DCAF5: variants seen among roughly 807,000 people sequenced by gnomAD.
DCAF5 encodes DDB1 and CUL4 associated factor 5, also known as DDB1- and CUL4-associated factor 5.
Under a neutral mutation model 80.7 loss-of-function variants are expected in DCAF5, and 9 were observed. The observed-to-expected ratio is 0.11, with a 90% CI of 0.07 to 0.19. DCAF5 has a LOEUF of 0.19. DCAF5 is among the 10% of genes least tolerant of loss of function. The pLI is 1.00. For synonymous variants in DCAF5, 433 were observed against 461.9 expected (o/e 0.94, Z 0.80); for missense variants, 842 against 1,205.7 (o/e 0.70, Z 4.47).
Position 69,119,235 on chromosome 14 carries a change from A to G in DCAF5, c.359-5T>C. On this transcript the variant is annotated splice_region_variant and splice_polypyrimidine_tract_variant and intron_variant, in intron 2 of 8. Coordinates refer to ENST00000341516, the MANE Select transcript of DCAF5 (RefSeq NM_003861.3). ...GGATAACTTGCTCATCATTGCCTGC[A>G]AAAGAAAAAAGCAGACATCTGATCA... is the stretch of plus-strand genomic sequence containing the variant. 7 of 1,613,396 alleles carry G rather than the reference A, an allele frequency of 4.3e-6. No homozygotes were observed. Among genetic ancestry groups the G allele is most frequent in the Non-Finnish European group, 5.1e-6 (6 of 1,179,744 alleles).
intron 7 of DCAF5, among the ~76,000 whole-genome samples, chr14:69,072,267 C>CA (rs2038721854): frequency 6.6e-6 from 1 of 151,746 alleles, no homozygotes; most frequent in Non-Finnish European, 1.5e-5. Flanking sequence ...ATGTTATAGG[C>CA]AAAGGTAGAG....
At chr14:69,067,679 C>T (rs556216241) in intron 7 of DCAF5, among the ~76,000 whole-genome samples, 37 of 151,474 alleles carry the variant, frequency 2.4e-4, no homozygotes, top group African/African-American at 9.0e-4. Context: ...GGAGTCTCAC[C>T]AGGCTGGAGT....
chr14:69,071,431 C>A (rs1218192709), intron 7 of DCAF5, among the ~76,000 whole-genome samples: 3 of 152,192 alleles, frequency 2.0e-5, no homozygotes, highest in Non-Finnish European at 4.4e-5. Context: ...ACTCGGCACG[C>A]ACATGAAACA....
chr14:69,148,477 A>G (rs2041611401), intron 1 of DCAF5, among the ~76,000 whole-genome samples: 1 of 152,136 alleles, frequency 6.6e-6, no homozygotes, highest in Non-Finnish European at 1.5e-5. Context: ...TGGGCAAATC[A>G]TGAGGTCAGG....
At chr14:69,099,787 A>AC (rs35191369) in intron 5 of DCAF5, among the ~76,000 whole-genome samples, 107,925 of 151,898 alleles carry the variant, frequency 0.71, 38,593 homozygotes, top group East Asian at 0.97. Flanking sequence ...TACAAAAAAA[A>AC]AATACAAAAA....
intron 2 of DCAF5, among the ~76,000 whole-genome samples, chr14:69,120,971 CAAAT>C (rs934198962): frequency 4.6e-5 from 7 of 152,150 alleles, no homozygotes; most frequent in South Asian, 2.1e-4. Context: ...AAGAGAAACT[CAAAT>C]AACTCAAAAC....
intron 1 of DCAF5, among the ~76,000 whole-genome samples, chr14:69,150,658 G>A (rs1226136845): frequency 6.6e-6 from 1 of 151,882 alleles, no homozygotes; most frequent in East Asian, 1.9e-4. Context: ...GGGTGAGGCA[G>A]GAGGATTACT....
At chr14:69,058,174 A>T (rs1011362302) in intron 8 of DCAF5, among the ~76,000 whole-genome samples, 1 of 152,178 alleles carries the variant, frequency 6.6e-6, no homozygotes. Context: ...TTTACACTGG[A>T]AAGTTAACAA....
chr14:69,066,279 C>T (rs1337943347), intron 7 of DCAF5, among the ~76,000 whole-genome samples: 3 of 151,966 alleles, frequency 2.0e-5, no homozygotes, highest in Non-Finnish European at 4.4e-5. Flanking sequence ...GGATTACAGG[C>T]GCACACCACC....
intron 1 of DCAF5, among the ~76,000 whole-genome samples, chr14:69,130,912 C>T (rs1003769906): frequency 6.6e-6 from 1 of 152,150 alleles, no homozygotes; most frequent in African/African-American, 2.4e-5. Flanking sequence ...CTCCTCTACC[C>T]TAATTTTTTT....
chr14:69,122,162 T>C (rs977735419), intron 2 of DCAF5, 55 bp downstream of exon 2: 10 of 1,581,692 alleles, frequency 6.3e-6, no homozygotes, highest in Non-Finnish European at 8.7e-6. Flanking sequence ...TTCGCACTCT[T>C]TTCTCTAAAA....
At chr14:69,139,762 G>GTGA (rs2041305823) in intron 1 of DCAF5, among the ~76,000 whole-genome samples, 1 of 150,766 alleles carries the variant, frequency 6.6e-6, no homozygotes, top group African/African-American at 2.4e-5. Flanking sequence ...ACTGCAGTGA[G>GTGA]TGAGATCACA....
At chr14:69,135,890 A>C (rs2140102270) in intron 1 of DCAF5, among the ~76,000 whole-genome samples, 1 of 152,332 alleles carries the variant, frequency 6.6e-6, no homozygotes, top group East Asian at 1.9e-4. Context: ...ATGATGTTAT[A>C]AAATGATGCA....
Position 69,091,657 on chromosome 14 carries a change from A to G in DCAF5, c.879+17T>C, listed in dbSNP as rs762226501. The G allele has an allele frequency of 3.7e-6, 6 of 1,606,934 alleles. No individual in the cohort carries two copies. The South Asian group carries it at 6.6e-5, about 18-fold the overall frequency. ...GAAAAGCATAAGTGTGAGATGCAGG[A>G]GGCAGACAGCATTTACCTGGTCACG... is the stretch of plus-strand genomic sequence containing the variant. On this transcript the variant is annotated intron_variant, in intron 6 of 8. Transcript: ENST00000341516.
At chr14:69,121,320 A>T (rs947570434) in intron 2 of DCAF5, among the ~76,000 whole-genome samples, 1 of 152,232 alleles carries the variant, frequency 6.6e-6, no homozygotes, top group Non-Finnish European at 1.5e-5. Flanking sequence ...AATCCAGGCC[A>T]AACTAACGGA....
intron 5 of DCAF5, among the ~76,000 whole-genome samples, chr14:69,096,618 A>T (rs1000697322): frequency 6.6e-6 from 1 of 152,208 alleles, no homozygotes; most frequent in East Asian, 1.9e-4. Flanking sequence ...TCTAGAGCCC[A>T]GAACGCTTCA....
intron 2 of DCAF5, 59 bp downstream of exon 2, chr14:69,122,158 C>T (rs1280764959): frequency 3.4e-5 from 53 of 1,575,450 alleles, no homozygotes; most frequent in Admixed American, 1.5e-4. Flanking sequence ...TATTTTCGCA[C>T]TCTTTTCTCT....
chr14:69,095,781 TTAAC>T (rs2039687518), intron 5 of DCAF5, among the ~76,000 whole-genome samples: 1 of 152,132 alleles, frequency 6.6e-6, no homozygotes, highest in Non-Finnish European at 1.5e-5. Flanking sequence ...AAATCCATGA[TTAAC>T]TAATCCATCT....
intron 6 of DCAF5, among the ~76,000 whole-genome samples, chr14:69,076,042 T>A (rs2038885797): frequency 6.6e-6 from 1 of 151,438 alleles, no homozygotes; most frequent in South Asian, 2.1e-4. Context: ...ATGCTCAACA[T>A]CACTAATAAT....
Sources: allele counts gnomAD v4.1 joint callset (sites outside exome capture counted in the v4.1 genomes callset), GRCh38; gene constraint gnomAD v4.1.1; transcripts MANE v1.5; gene names NCBI Gene and HGNC (gene_info 2026-07-23, HGNC 2026-07-21).